Variants in C2orf42 observed in about 807,000 individuals in gnomAD.
The protein encoded by C2orf42 is uncharacterized protein C2orf42.
A neutral mutation model predicts 58.9 loss-of-function variants in C2orf42; 44 were observed. That is an observed-to-expected ratio of 0.75 (90% CI 0.59 to 0.96). The LOEUF (loss-of-function observed/expected upper bound fraction) is 0.96. Among genes scored for constraint, C2orf42 ranks in the 40% least tolerant of loss-of-function variants. The probability of loss-of-function intolerance (pLI) is 0.00; values close to 1 mark genes in which losing one functional copy is unlikely to be tolerated. For synonymous variants in C2orf42, 239 were observed against 265.4 expected (o/e 0.90, Z 0.97); for missense variants, 630 against 699.2 (o/e 0.90, Z 1.12).
chr2:70,179,797 T>C (rs1250995172), intron 3 of C2orf42, among the ~76,000 whole-genome samples, 155 bp from the exon 4 acceptor site: 5 of 151,970 alleles, frequency 3.3e-5, no homozygotes, highest in Non-Finnish European at 5.9e-5. Flanking sequence ...CTACAAAAAA[T>C]AAAAAATTAC....
At chr2:70,181,036 A>G in intron 3 of C2orf42, 127 bp downstream of exon 3, 2 of 423,854 alleles carry the variant, frequency 4.7e-6, no homozygotes, top group Non-Finnish European at 8.3e-6. Flanking sequence ...AAGAAGGAAC[A>G]CTTTTCATTT....
rs553021701 is a variant in C2orf42 at position 70,182,675 on chromosome 2, G to C, written c.-21C>G. On this transcript the variant is annotated 5_prime_UTR_variant, in exon 2 of 10. Coordinates refer to ENST00000264434, the MANE Select transcript of C2orf42 (RefSeq NM_017880.3). Reference sequence around the variant, plus strand: ...ACCTAGCCCAATCCTACCTGTACCAGCTGCCAAGGCATCTGGAAAACAGTG... The same window carrying C: ...ACCTAGCCCAATCCTACCTGTACCACCTGCCAAGGCATCTGGAAAACAGTG... 1 of 152,216 alleles carries C rather than the reference G, an allele frequency of 6.6e-6. No individual in the cohort carries two copies. Among genetic ancestry groups the C allele is most frequent in the African/African-American group, 2.4e-5 (1 of 41,538 alleles). The allele number at this position is 152,216 out of a possible 1,614,324, so 9.4% of individuals were successfully genotyped here. A position where few individuals can be genotyped will look rare whatever the true frequency, so the allele number is the denominator to read the frequency against.
intron 8 of C2orf42, among the ~76,000 whole-genome samples, chr2:70,164,272 A>G (rs1357396002): frequency 6.6e-6 from 1 of 152,018 alleles, no homozygotes; most frequent in Non-Finnish European, 1.5e-5. Context: ...ACTGTACTCC[A>G]GACTAGGCAA....
At position 70,166,515 on chromosome 2, in the gene C2orf42, A is replaced by G. The variant is rs192888147; in HGVS notation, c.1145-880T>C. On this transcript the variant is annotated intron_variant, in intron 6 of 9. Coordinates refer to ENST00000264434, the MANE Select transcript of C2orf42 (RefSeq NM_017880.3). ...AACCCATCTCTACTAAAAAAAAAAA[A>G]AAAAAAAAAAATTAGCTGGGCATGG... Among the ~76,000 whole-genome samples the G allele has an allele frequency of 9.9e-3, 1,494 of 150,856 alleles. 25 individuals carry two copies. The highest frequency in any genetic ancestry group is 0.035 in the African/African-American group (1,434 of 41,116).
intron 8 of C2orf42, among the ~76,000 whole-genome samples, chr2:70,161,501 T>G (rs551788743): frequency 6.6e-6 from 1 of 152,164 alleles, no homozygotes; most frequent in Non-Finnish European, 1.5e-5. Flanking sequence ...GTGTTTTTAA[T>G]GCCAACACAG....
intron 9 of C2orf42, among the ~76,000 whole-genome samples, chr2:70,157,862 A>C (rs72900668): frequency 0.015 from 2,305 of 152,236 alleles, 51 homozygotes; most frequent in African/African-American, 0.053. Context: ...GCACAAATTC[A>C]TATCATATAT....
At chr2:70,152,545 G>C (rs1386178048) in intron 9 of C2orf42, among the ~76,000 whole-genome samples, 4 of 152,126 alleles carry the variant, frequency 2.6e-5, no homozygotes, top group Admixed American at 2.6e-4. Flanking sequence ...CTTCATAAAG[G>C]GAGGCTACAT....
chr2:70,168,876 C>T (rs917631002), intron 6 of C2orf42, among the ~76,000 whole-genome samples: 1 of 151,918 alleles, frequency 6.6e-6, no homozygotes, highest in East Asian at 1.9e-4. Context: ...TAATGCCTGG[C>T]TAATTGTTTT....
chr2:70,181,363 A>AG lies in C2orf42; in HGVS notation c.622_623insC (p.Phe208SerfsTer12). 6.2e-7 allele frequency: 1 copy of AG among 1,614,118 alleles called. No homozygotes were observed. Among genetic ancestry groups the AG allele is most frequent in the Non-Finnish European group, 8.5e-7 (1 of 1,179,986 alleles). ...GCTTTTGCCACTGACTTTCTGCACA[A>AG]AAGATGTATGCAAATACCCCAAACT... is the stretch of plus-strand genomic sequence containing the variant. On this transcript the variant is annotated frameshift_variant, in exon 3 of 10. Coordinates refer to ENST00000264434, the MANE Select transcript of C2orf42 (RefSeq NM_017880.3). LOFTEE classifies it high-confidence loss of function.
intron 1 of C2orf42, 24 bp from the exon 2 acceptor site, chr2:70,182,959 A>G (rs1459854380): frequency 6.6e-6 from 1 of 152,230 alleles, no homozygotes; most frequent in Non-Finnish European, 1.5e-5. Context: ...AAGAAAAAAT[A>G]TTAAAGTTAT....
chr2:70,189,946 A>G (rs1377952249), intron 1 of C2orf42, among the ~76,000 whole-genome samples: 1 of 136,548 alleles, frequency 7.3e-6, no homozygotes, highest in East Asian at 1.9e-4. Flanking sequence ...TTTAAAAGAA[A>G]AAAAAAAAGA....
At chr2:70,150,626 C>CA in intron 9 of C2orf42, 62 bp from the exon 10 acceptor site, 6 of 1,252,624 alleles carry the variant, frequency 4.8e-6, no homozygotes, top group Non-Finnish European at 7.0e-6. Flanking sequence ...TTCCTAATTG[C>CA]AAAAAAAGTG....
At position 70,181,272 on chromosome 2, in the gene C2orf42, C is replaced by T; in HGVS notation, c.714G>A (p.Lys238=). Residue 238 remains lysine, a synonymous_variant, in exon 3 of 10, where the codon AAG becomes AAA. Coordinates refer to ENST00000264434, the MANE Select transcript of C2orf42 (RefSeq NM_017880.3). ...TLKSHKSNAS[K]DETAQRCIHF... ...GAATGCATCTCTGGGCTGTCTCATCCTTGGAGGCATTTGACTTGTGCGATT... is the reference window on the plus strand; with the variant it reads ...GAATGCATCTCTGGGCTGTCTCATCTTTGGAGGCATTTGACTTGTGCGATT... 6.2e-7 allele frequency: 1 copy of T among 1,613,678 alleles called. No homozygotes were observed. The highest frequency in any genetic ancestry group is 8.5e-7 in the Non-Finnish European group (1 of 1,179,646).
chr2:70,169,169 G>C (rs1338853419), intron 6 of C2orf42, among the ~76,000 whole-genome samples: 1 of 151,596 alleles, frequency 6.6e-6, no homozygotes, highest in African/African-American at 2.4e-5. Context: ...TGCAGGCTTA[G>C]ATTTTCTCTA....
chr2:70,159,752 G>T (rs1672937070), intron 9 of C2orf42, among the ~76,000 whole-genome samples: 1 of 152,050 alleles, frequency 6.6e-6, no homozygotes, highest in South Asian at 2.1e-4. Context: ...GCCCAGGCTG[G>T]TCTTGAATTC....
intron 9 of C2orf42, among the ~76,000 whole-genome samples, chr2:70,155,209 C>G (rs373406292): frequency 6.6e-6 from 1 of 151,940 alleles, no homozygotes; most frequent in Admixed American, 6.6e-5. Flanking sequence ...CACCACTGCA[C>G]TCCAGCCTGG....
chr2:70,183,715 C>T (rs1383467032), intron 1 of C2orf42, among the ~76,000 whole-genome samples: 111 of 137,534 alleles, frequency 8.1e-4, no homozygotes, highest in Admixed American at 5.4e-3. Flanking sequence ...TGCGCCCGGC[C>T]GACCCCATCT....
rs552727168 is a variant in C2orf42, at chr2:70,160,414, A to T, written c.1516+211T>A. 5.9e-4 allele frequency among the ~76,000 whole-genome samples: 90 copies of T among 152,284 alleles called. No individual in the cohort carries two copies. In the East Asian group the frequency reaches 0.014, roughly 24 times the overall value. ...TGTCTTGGCCTCCCAAAGTGCTGGG[A>T]TTATAGGTGTGAGCCACAGCACCTG... is the stretch of plus-strand genomic sequence containing the variant. On this transcript the variant is annotated intron_variant, in intron 9 of 9. Coordinates refer to ENST00000264434, the MANE Select transcript of C2orf42 (RefSeq NM_017880.3).
chr2:70,177,421 C>A (rs2104949916), intron 4 of C2orf42, among the ~76,000 whole-genome samples: 1 of 152,240 alleles, frequency 6.6e-6, no homozygotes. Flanking sequence ...CAGAGCAAGA[C>A]TCCATTTCCA....
Sources: allele counts gnomAD v4.1 joint callset (sites outside exome capture counted in the v4.1 genomes callset), GRCh38; gene constraint gnomAD v4.1.1; transcripts MANE v1.5; gene names NCBI Gene and HGNC (gene_info 2026-07-23, HGNC 2026-07-21).